TRDN: variants seen among roughly 807,000 people sequenced by gnomAD.
The protein encoded by TRDN is triadin.
Under a neutral mutation model 149.7 loss-of-function variants are expected in TRDN, and 161 were observed. The ratio of observed to expected loss-of-function variants is 1.08; its 90% CI spans 0.95 to 1.23. The LOEUF is 1.23. TRDN is among the 50% of genes most tolerant of loss of function. The pLI, the probability that TRDN is intolerant of heterozygous loss-of-function variation, is 0.00. For missense variants in TRDN, 896 were observed against 823.5 expected, an observed-to-expected ratio of 1.09 and a Z score of -1.08; for synonymous variants, 294 against 250.5, an observed-to-expected ratio of 1.17 and a Z score of -1.64.
intron 18 of TRDN, among the ~76,000 whole-genome samples, chr6:123,376,200 CTCTG>C (rs940689216): frequency 6.6e-6 from 1 of 152,102 alleles, no homozygotes; most frequent in African/African-American, 2.4e-5. Context: ...CTGTATGTCT[CTCTG>C]TCTTTCTATA....
At chr6:123,383,062 A>G (rs1247994981) in intron 14 of TRDN, among the ~76,000 whole-genome samples, 1 of 152,100 alleles carries the variant, frequency 6.6e-6, no homozygotes, top group African/African-American at 2.4e-5. Flanking sequence ...TTTCTGGCTT[A>G]TAATTATCTG....
Position 123,382,127 on chromosome 6 carries a change from GT to G in TRDN, c.1155del (p.Lys385AsnfsTer5), listed in dbSNP as rs1781746770. On this transcript the variant is annotated frameshift_variant, in exon 15 of 41. Transcript: ENST00000334268. LOFTEE classifies it high-confidence loss of function. ...EKKEDSKKTKKPAEVEQPKGK... is the reference protein window; with the variant it reads ...EKKEDSKKTKXPAEVEQPKGK... ...GAAATATGTCCAGTACCTTCTGCAG[GT>G]TTTTTTGTTTTCTTGGAATCTGAAA... The G allele has an allele frequency of 1.3e-5, 19 of 1,496,446 alleles. No homozygotes were observed. Among genetic ancestry groups the G allele is most frequent in the Admixed American group, 9.5e-5 (4 of 42,300 alleles). The allele number at this position is 1,496,446 out of a possible 1,614,324, so 92.7% of individuals were successfully genotyped here.
chr6:123,574,432 A>G (rs753951926), intron 1 of TRDN, among the ~76,000 whole-genome samples: 1 of 151,990 alleles, frequency 6.6e-6, no homozygotes, highest in African/African-American at 2.4e-5. Flanking sequence ...CCAAATTCAC[A>G]TCACTCCTAA....
At chr6:123,540,574 C>T (rs994198576) in intron 4 of TRDN, among the ~76,000 whole-genome samples, 7 of 152,214 alleles carry the variant, frequency 4.6e-5, no homozygotes, top group African/African-American at 1.7e-4. Context: ...GACTGGAGTG[C>T]AGTGGCGCCA....
chr6:123,482,552 A>T (rs976791551), intron 9 of TRDN, among the ~76,000 whole-genome samples: 2 of 152,236 alleles, frequency 1.3e-5, no homozygotes, highest in African/African-American at 4.8e-5. Context: ...TAATCACATA[A>T]AAATAATATT....
At chr6:123,509,818 A>C (rs951985899) in intron 7 of TRDN, 47 of 152,172 alleles carry the variant, frequency 3.1e-4, no homozygotes, top group Non-Finnish European at 5.9e-4. Flanking sequence ...TTTTTTGAAA[A>C]AAAAAAGATG....
At chr6:123,455,861 T>TAA (rs1464264985) in intron 10 of TRDN, among the ~76,000 whole-genome samples, 11 of 152,220 alleles carry the variant, frequency 7.2e-5, no homozygotes, top group African/African-American at 2.7e-4. Context: ...ATATTTTATC[T>TAA]ATATGTTTTT....
At chr6:123,584,976 T>C (rs1450108686) in intron 1 of TRDN, among the ~76,000 whole-genome samples, 2 of 152,214 alleles carry the variant, frequency 1.3e-5, no homozygotes, top group South Asian at 2.1e-4. Flanking sequence ...TAAATGGCCA[T>C]GCTGTAGCAG....
At chr6:123,548,658 T>A in intron 2 of TRDN, 46 bp from the exon 3 acceptor site, 1 of 1,296,822 alleles carries the variant, frequency 7.7e-7, no homozygotes, top group Non-Finnish European at 9.9e-7. Flanking sequence ...TTGTGATCAT[T>A]TCCAAATAAC....
chr6:123,337,163 TTC>T (rs1000867945), intron 22 of TRDN, among the ~76,000 whole-genome samples: 2 of 151,796 alleles, frequency 1.3e-5, no homozygotes, highest in African/African-American at 4.8e-5. Context: ...GAATGCAGAG[TTC>T]TAATTACCAA....
At chr6:123,501,665 T>A (rs1410749429) in intron 8 of TRDN, among the ~76,000 whole-genome samples, 1 of 152,144 alleles carries the variant, frequency 6.6e-6, no homozygotes, top group Non-Finnish European at 1.5e-5. Flanking sequence ...ATATAATTGA[T>A]GGCAATTGTT....
chr6:123,487,940 T>C (rs191069888), intron 9 of TRDN, among the ~76,000 whole-genome samples: 3 of 152,260 alleles, frequency 2.0e-5, no homozygotes, highest in Admixed American at 1.3e-4. Context: ...GTTCGTATTA[T>C]ACAATCTAAT....
intron 12 of TRDN, among the ~76,000 whole-genome samples, chr6:123,434,681 CTTTA>C (rs1244849714): frequency 1.3e-5 from 2 of 151,966 alleles, no homozygotes; most frequent in East Asian, 1.9e-4. Context: ...TTTTTAAAGT[CTTTA>C]TTTCTTTTGT....
intron 1 of TRDN, among the ~76,000 whole-genome samples, chr6:123,574,871 T>TATATAC (rs1782762347): frequency 8.0e-6 from 1 of 124,428 alleles, no homozygotes; most frequent in Non-Finnish European, 1.6e-5. Context: ...TATATATATA[T>TATATAC]ATATATATAT....
At chr6:123,451,249 A>C (rs2114654092) in intron 10 of TRDN, among the ~76,000 whole-genome samples, 1 of 152,134 alleles carries the variant, frequency 6.6e-6, no homozygotes, top group African/African-American at 2.4e-5. Flanking sequence ...AACCAAGATC[A>C]GAGCAGAAAT....
intron 16 of TRDN, among the ~76,000 whole-genome samples, 166 bp from the exon 17 acceptor site, chr6:123,378,064 C>T (rs1461251557): frequency 6.6e-6 from 1 of 151,938 alleles, no homozygotes; most frequent in African/African-American, 2.4e-5. Context: ...TAAAATAATT[C>T]TTTTTTCCAT....
At chr6:123,546,181 T>C (rs1331019169) in intron 4 of TRDN, among the ~76,000 whole-genome samples, 5 of 152,146 alleles carry the variant, frequency 3.3e-5, no homozygotes, top group African/African-American at 4.8e-5. Flanking sequence ...ATTTGATGGC[T>C]GAAGTCTGTC....
At position 123,529,255 on chromosome 6, in the gene TRDN, T is replaced by C. The variant is rs777890691; in HGVS notation, c.484+1251A>G. ...AACACAGAGCCAGTTCAGTCATGGT[T>C]CGCTTAGTCAATCCGTACTCAAGAG... On this transcript the variant is annotated intron_variant, in intron 5 of 40. Coordinates refer to ENST00000334268, the MANE Select transcript of TRDN (RefSeq NM_006073.4). 5.8e-6 allele frequency: 9 copies of C among 1,548,804 alleles called. No individual in the cohort carries two copies. In the African/African-American group the frequency reaches 1.1e-4, roughly 19 times the overall value.
intron 9 of TRDN, chr6:123,489,534 T>C (rs1778119573): frequency 6.6e-6 from 1 of 152,168 alleles, no homozygotes; most frequent in Non-Finnish European, 1.5e-5. Context: ...GAAATTTACC[T>C]ATTTCTTAAA....
Sources: gnomAD v4.1 joint callset for allele counts (sites outside exome capture counted in the v4.1 genomes callset) on GRCh38, gnomAD v4.1.1 for gene constraint, MANE v1.5 for transcripts, NCBI Gene and HGNC (gene_info 2026-07-23, HGNC 2026-07-21) for gene names.